The following CNR2 variants were observed in gnomAD, a reference collection of about 807,000 sequenced individuals.
The protein encoded by CNR2 is cannabinoid receptor 2 (macrophage).
For synonymous variants in CNR2, 172 were observed against 182.2 expected, an observed-to-expected ratio of 0.94 and a Z score of 0.45; for missense variants, 379 against 439.9, an observed-to-expected ratio of 0.86 and a Z score of 1.24.
chr1:23,909,786 ACCCTG>A (rs1640553991), intron 1 of CNR2, among the ~76,000 whole-genome samples: 1 of 151,752 alleles, frequency 6.6e-6, no homozygotes, highest in East Asian at 1.9e-4. Context: ...AGTAAAGACA[ACCCTG>A]ATCATGAGTC....
intron 1 of CNR2, among the ~76,000 whole-genome samples, chr1:23,904,294 T>C (rs1009394722): frequency 6.6e-6 from 1 of 150,470 alleles, no homozygotes; most frequent in African/African-American, 2.4e-5. Flanking sequence ...CGGCTCAGCC[T>C]CCCGAGTAGC....
chr1:23,875,426 G>C lies in CNR2; in HGVS notation c.192C>G (p.Leu64=). The change falls in exon 2 of 2, where the codon CTC becomes CTG. Residue 64 remains leucine, a synonymous_variant. Transcript: ENST00000374472. ...TGAACAGGTATGAGGGCTTCCGGCG[G>C]AGTTGGTGGGAGGACAGGATCAGAT... ...VLYLILSSHQ[L]RRKPSYLFIG... 6.2e-7 allele frequency: 1 copy of C among 1,614,248 alleles called. No homozygotes were observed. The highest frequency in any genetic ancestry group is 1.3e-5 in the African/African-American group (1 of 75,076).
intron 1 of CNR2, among the ~76,000 whole-genome samples, chr1:23,909,367 T>C (rs1011674019): frequency 2.6e-5 from 4 of 152,158 alleles, no homozygotes; most frequent in African/African-American, 7.2e-5. Flanking sequence ...CTGATCTTAC[T>C]CTTCTGGTGG....
rs6680132 is a variant in CNR2, at chr1:23,872,314, T to G, written c.*2221A>C. 6.6e-6 allele frequency: 1 copy of G among 151,384 alleles called. No individual in the cohort carries two copies. The highest frequency in any genetic ancestry group is 1.5e-5 in the Non-Finnish European group (1 of 67,924). 9.4% of individuals were successfully genotyped at this position (151,384 alleles called of 1,614,324 possible). A position where few individuals can be genotyped will look rare whatever the true frequency, so the allele number is the denominator to read the frequency against. ...TTGGAGGGAGCAGGGCCCTACCACATCTTGATTTTGACTTCTGGCCTCCAG... is the reference window on the plus strand; with the variant it reads ...TTGGAGGGAGCAGGGCCCTACCACAGCTTGATTTTGACTTCTGGCCTCCAG... On this transcript the variant is annotated 3_prime_UTR_variant, in exon 2 of 2. Transcript: ENST00000374472.
intron 1 of CNR2, among the ~76,000 whole-genome samples, chr1:23,905,206 G>C (rs1640468745): frequency 7.5e-6 from 1 of 132,692 alleles, no homozygotes; most frequent in Non-Finnish European, 1.5e-5. Flanking sequence ...TTTTTTTTGA[G>C]ATGAGTCTGG....
intron 1 of CNR2, 143 bp downstream of exon 1, chr1:23,913,103 C>T (rs1640613641): frequency 7.9e-6 from 1 of 126,378 alleles, no homozygotes; most frequent in African/African-American, 2.9e-5. Flanking sequence ...TGAGGCTGCA[C>T]TGAGCCGAGA....
chr1:23,901,645 G>A (rs1450659637), intron 1 of CNR2: 2 of 1,525,960 alleles, frequency 1.3e-6, no homozygotes, highest in African/African-American at 1.4e-5. Context: ...CCATGTAGAA[G>A]GTGTCTTGTT....
intron 1 of CNR2, among the ~76,000 whole-genome samples, chr1:23,876,589 A>G (rs1639879248): frequency 6.6e-6 from 1 of 151,846 alleles, no homozygotes; most frequent in African/African-American, 2.4e-5. Context: ...TAATCCCAAC[A>G]CTTGGGGAGG....
chr1:23,903,647 A>G (rs1299985341), intron 1 of CNR2, among the ~76,000 whole-genome samples: 4 of 152,030 alleles, frequency 2.6e-5, no homozygotes, highest in Non-Finnish European at 4.4e-5. Flanking sequence ...TTAACATATC[A>G]AAAGTGCTCC....
intron 1 of CNR2, among the ~76,000 whole-genome samples, chr1:23,903,980 C>T (rs1177266113): frequency 1.3e-5 from 2 of 152,114 alleles, no homozygotes; most frequent in African/African-American, 2.4e-5. Flanking sequence ...CGGCTTTCTC[C>T]CGGGGACTTC....
At chr1:23,887,856 TA>T (rs56170964) in intron 1 of CNR2, among the ~76,000 whole-genome samples, 127,306 of 150,390 alleles carry the variant, frequency 0.85, 53,904 homozygotes, top group Admixed American at 0.86. Context: ...AAGTTAAAGT[TA>T]AAAAAAAAAA....
intron 1 of CNR2, among the ~76,000 whole-genome samples, chr1:23,888,750 C>A (rs1306728727): frequency 1.3e-5 from 2 of 152,120 alleles, no homozygotes; most frequent in Non-Finnish European, 2.9e-5. Flanking sequence ...GAGGGCAGAT[C>A]ACTTGAGGTC....
intron 1 of CNR2, among the ~76,000 whole-genome samples, chr1:23,907,364 C>T (rs1228258640): frequency 1.4e-5 from 2 of 143,358 alleles, no homozygotes; most frequent in Non-Finnish European, 3.0e-5. Context: ...GAGCCGAGAT[C>T]GCGCCACTAT....
chr1:23,902,192 A>G, intron 1 of CNR2: 1 of 1,365,658 alleles, frequency 7.3e-7, no homozygotes, highest in Non-Finnish European at 1.0e-6. Context: ...ACGGCCTTGA[A>G]GACCACCGCC....
In CNR2 at chr1:23,903,044, G is replaced by C. The variant is rs1640429459; in HGVS notation, c.-46+10202C>G. 4.7e-5 allele frequency among the ~76,000 whole-genome samples: 7 copies of C among 150,310 alleles called. No individual in the cohort carries two copies. The South Asian group carries it at 1.5e-3, about 31-fold the overall frequency. On this transcript the variant is annotated intron_variant, in intron 1 of 1. Transcript: ENST00000374472. ...AGGGAGGTCGGGCGCTGAGCGACGCGGCGGTGATGGCAGGCCAGGGGCAGC... is the reference window on the plus strand; with the variant it reads ...AGGGAGGTCGGGCGCTGAGCGACGCCGCGGTGATGGCAGGCCAGGGGCAGC...
intron 1 of CNR2, chr1:23,902,429 T>C: frequency 1.3e-6 from 2 of 1,589,990 alleles, no homozygotes; most frequent in Non-Finnish European, 1.7e-6. Context: ...TTGCCAATGC[T>C]GGGACGATGT....
At position 23,892,995 on chromosome 1, in the gene CNR2, G is replaced by A. The variant is rs150712987; in HGVS notation, c.-45-17333C>T. Among the ~76,000 whole-genome samples the A allele has an allele frequency of 5.8e-3, 877 of 152,282 alleles. 10 individuals carry two copies. The highest frequency in any genetic ancestry group is 0.019 in the African/African-American group (784 of 41,562). On this transcript the variant is annotated intron_variant, in intron 1 of 1. Transcript: ENST00000374472. ...CGCACCATTGCACTTCAGCCTGGGC[G>A]ACAGAGCGAGACTCTGTCTCAAAAA...
At chr1:23,883,599 C>A (rs530201308) in intron 1 of CNR2, among the ~76,000 whole-genome samples, 6 of 152,122 alleles carry the variant, frequency 3.9e-5, no homozygotes, top group Non-Finnish European at 7.4e-5. Context: ...CCGAAACAGG[C>A]GAATTGCCTG....
intron 1 of CNR2, among the ~76,000 whole-genome samples, chr1:23,880,652 G>C (rs9424395): frequency 1.3e-5 from 2 of 151,540 alleles, no homozygotes; most frequent in South Asian, 2.1e-4. Context: ...TGCAACCTCC[G>C]CCTCCAGGGT....
Sources: allele counts gnomAD v4.1 joint callset (sites outside exome capture counted in the v4.1 genomes callset), GRCh38; gene constraint gnomAD v4.1.1; transcripts MANE v1.5; gene names NCBI Gene and HGNC (gene_info 2026-07-23, HGNC 2026-07-21).